The following PADI2 variants were observed in gnomAD, a reference collection of about 807,000 sequenced individuals.
PADI2 encodes peptidyl arginine deiminase 2, also known as protein-arginine deiminase type-2.
In PADI2, 70 loss-of-function variants were observed where a neutral mutation model predicts 81.1. The observed-to-expected ratio is 0.86, with a 90% confidence interval of 0.71 to 1.05. PADI2 has a LOEUF of 1.05. Ranked by LOEUF, PADI2 falls within the 50% of genes least tolerant of loss-of-function variation. PADI2 has a pLI of 0.00. For missense variants in PADI2, 853 were observed against 889.9 expected, an observed-to-expected ratio of 0.96 and a Z score of 0.53; for synonymous variants, 338 against 358.0, an observed-to-expected ratio of 0.94 and a Z score of 0.63.
chr1:17,086,477 GC>G, intron 7 of PADI2, 43 bp downstream of exon 7: 2 of 1,536,838 alleles, frequency 1.3e-6, no homozygotes, highest in Non-Finnish European at 1.8e-6. Flanking sequence ...ACCCACCCTG[GC>G]CCCTGGGGTT....
At chr1:17,109,244 C>T (rs1285565372) in intron 1 of PADI2, among the ~76,000 whole-genome samples, 2 of 151,710 alleles carry the variant, frequency 1.3e-5, no homozygotes, top group African/African-American at 2.4e-5. Context: ...AAAAATTAGC[C>T]GAGCGTAGTG....
At chr1:17,098,168 C>G (rs753245293) in intron 3 of PADI2, among the ~76,000 whole-genome samples, 6 of 152,204 alleles carry the variant, frequency 3.9e-5, no homozygotes, top group Non-Finnish European at 8.8e-5. Flanking sequence ...CTGCTGTTCC[C>G]TGCAATGAAC....
chr1:17,119,350 G>A lies in PADI2; in HGVS notation c.22C>T (p.Arg8Trp), dbSNP rs1330438799. The A allele has an allele frequency of 1.3e-6, 2 of 1,541,788 alleles. No homozygotes were observed. Among genetic ancestry groups the A allele is most frequent in the Non-Finnish European group, 1.7e-6 (2 of 1,144,182 alleles). Residue 8 changes from arginine to tryptophan, a missense_variant, in exon 1 of 16, where the codon CGG becomes TGG. Physicochemically the swap from Arg to Trp is moderately radical, Grantham distance 101. Coordinates refer to ENST00000375486, the MANE Select transcript of PADI2 (RefSeq NM_007365.3). The surrounding 1 kb of genome is among the most constrained non-coding windows in gnomAD (Gnocchi z 4.8). ...TCCACGCGGCTCCCGTACTGCAGCCGCACGGTCCGCTCGCGCAGCATCCTC... is the reference window on the plus strand; with the variant it reads ...TCCACGCGGCTCCCGTACTGCAGCCACACGGTCCGCTCGCGCAGCATCCTC... MLRERTV[R>W]LQYGSRVEAV...
chr1:17,069,429 T>C (rs2078249131), intron 15 of PADI2, 152 bp from the exon 16 acceptor site: 4 of 648,436 alleles, frequency 6.2e-6, no homozygotes, highest in Non-Finnish European at 1.1e-5. Flanking sequence ...CACTCACAAA[T>C]GGCAGAGCTG....
Position 17,104,248 on chromosome 1 carries a change from T to C in PADI2, c.276+630A>G, listed in dbSNP as rs541560697. 1.3e-4 allele frequency among the ~76,000 whole-genome samples: 19 copies of C among 144,890 alleles called. 1 individual carries two copies. The South Asian group carries it at 2.3e-3, about 17-fold the overall frequency. On this transcript the variant is annotated intron_variant, in intron 2 of 15. Coordinates refer to ENST00000375486, the MANE Select transcript of PADI2 (RefSeq NM_007365.3). ...GAGCTTGCAGTGAGCCGAGATCGCA[T>C]CACTGCACTCCAGCCTGGGTGACAG... is the stretch of plus-strand genomic sequence containing the variant.
intron 11 of PADI2, among the ~76,000 whole-genome samples, chr1:17,078,425 A>G (rs1243766899): frequency 6.7e-6 from 1 of 148,430 alleles, no homozygotes; most frequent in Non-Finnish European, 1.5e-5. Context: ...TTTTTTTGCC[A>G]GAGTCTCTCT....
intron 9 of PADI2, chr1:17,082,950 A>G (rs1380215423): frequency 1.2e-5 from 3 of 252,954 alleles, no homozygotes; most frequent in Non-Finnish European, 2.3e-5. Context: ...GGCCCACTGC[A>G]GCCTCAAACT....
intron 1 of PADI2, among the ~76,000 whole-genome samples, chr1:17,116,704 T>C (rs1033050855): frequency 1.3e-5 from 2 of 152,150 alleles, no homozygotes; most frequent in African/African-American, 2.4e-5. Context: ...TCTGGACAAA[T>C]GGCTTCATCT....
intron 3 of PADI2, among the ~76,000 whole-genome samples, chr1:17,099,583 T>TGGGACAAAGACCCAGAGCCTGATC (rs1462800145): frequency 7.2e-5 from 11 of 152,186 alleles, no homozygotes; most frequent in African/African-American, 2.7e-4. Context: ...TTGGCGGGAT[T>TGGGACAAAGACCCAGAGCCTGATC]GGGACAAAGA....
At chr1:17,073,395 C>T (rs545213451) in intron 13 of PADI2, among the ~76,000 whole-genome samples, 38 of 133,280 alleles carry the variant, frequency 2.9e-4, no homozygotes, top group East Asian at 2.0e-3. Flanking sequence ...CCAGCCTGGA[C>T]GACAGAGTGA....
At chr1:17,109,419 T>C (rs746378334) in intron 1 of PADI2, among the ~76,000 whole-genome samples, 21 of 134,220 alleles carry the variant, frequency 1.6e-4, no homozygotes, top group Non-Finnish European at 2.5e-4. Flanking sequence ...AAAAAAAAGC[T>C]TGGGATATCT....
chr1:17,071,245 G>A (rs2078262520), intron 14 of PADI2, among the ~76,000 whole-genome samples, 161 bp downstream of exon 14: 3 of 152,204 alleles, frequency 2.0e-5, no homozygotes, highest in Non-Finnish European at 4.4e-5. Flanking sequence ...AAGCAAGGAG[G>A]CTGGCTGGAT....
At chr1:17,110,277 A>G (rs537234026) in intron 1 of PADI2, among the ~76,000 whole-genome samples, 1 of 152,046 alleles carries the variant, frequency 6.6e-6, no homozygotes, top group East Asian at 1.9e-4. Context: ...GGTGGTTATG[A>G]CCTTCTTGCT....
Position 17,092,471 on chromosome 1 carries a change from A to G in PADI2, c.592T>C (p.Tyr198His). Residue 198 changes from tyrosine (Y) to histidine (H), a missense_variant, in exon 6 of 16, where the codon TAC becomes CAC. By Grantham distance (83) the Tyr-to-His change is moderately conservative. Coordinates refer to ENST00000375486, the MANE Select transcript of PADI2 (RefSeq NM_007365.3). The stretch of plus-strand genomic sequence containing the variant: ...ATGGAAATGTACAGAACTATCTCGT[A>G]TCCGGCGGGGAGGCGGTCGGGGCCT... Reference protein sequence around the residue: ...TKGPDRLPAGYEIVLYISMSD... With the variant: ...TKGPDRLPAGHEIVLYISMSD... The G allele has an allele frequency of 6.2e-7, 1 of 1,606,496 alleles. No individual in the cohort carries two copies. The highest frequency in any genetic ancestry group is 1.7e-5 in the Admixed American group (1 of 59,016).
At chr1:17,118,062 A>G (rs1931817841) in intron 1 of PADI2, among the ~76,000 whole-genome samples, 1 of 152,170 alleles carries the variant, frequency 6.6e-6, no homozygotes, top group Non-Finnish European at 1.5e-5. Flanking sequence ...CAGCGTGGCC[A>G]GTGCCTCTGC....
chr1:17,083,543 C>T lies in PADI2; in HGVS notation c.1050+183G>A, dbSNP rs115781404. 4.2e-3 allele frequency: 2,405 copies of T among 576,088 alleles called. 48 individuals are homozygous for T. Among genetic ancestry groups the T allele is most frequent in the African/African-American group, 0.041 (2,216 of 53,550 alleles). 35.7% of individuals were successfully genotyped at this position (576,088 alleles called of 1,614,324 possible). A position where few individuals can be genotyped will look rare whatever the true frequency, so the allele number is the denominator to read the frequency against. ...TAGGTTGCTTTGCAATCTTTTGCTA[C>T]TACAAGAAGCAGCACTGTAGTGCAC... is the stretch of plus-strand genomic sequence containing the variant. On this transcript the variant is annotated intron_variant, in intron 9 of 15. Transcript: ENST00000375486.
chr1:17,073,290 G>A (rs2746531), intron 13 of PADI2, among the ~76,000 whole-genome samples: 56,792 of 151,564 alleles, frequency 0.37, 11,108 homozygotes, highest in East Asian at 0.6. Flanking sequence ...GGTGGCGGGC[G>A]CCTGTAATCC....
At chr1:17,075,910 C>G in intron 11 of PADI2, 87 bp from the exon 12 acceptor site, 5 of 1,322,916 alleles carry the variant, frequency 3.8e-6, no homozygotes, top group Non-Finnish European at 5.4e-6. Flanking sequence ...GGACCCACCT[C>G]GGACCCAGAG....
chr1:17,075,436 G>T (rs1570977577), intron 12 of PADI2: 3 of 458,180 alleles, frequency 6.5e-6, no homozygotes, highest in Non-Finnish European at 1.2e-5. Flanking sequence ...TTTAGTATGA[G>T]AAAAGAATTT....
Sources: gnomAD v4.1 joint callset for allele counts (sites outside exome capture counted in the v4.1 genomes callset) on GRCh38, gnomAD v4.1.1 for gene constraint, Gnocchi (gnomAD v3.1) non-coding constraint, MANE v1.5 for transcripts, NCBI Gene and HGNC (gene_info 2026-07-23, HGNC 2026-07-21) for gene names.